The following PRKG1 variants were observed in gnomAD, a reference collection of about 807,000 sequenced individuals.
PRKG1 encodes cGMP-dependent protein kinase 1.
In PRKG1, 35 loss-of-function variants were observed where a neutral mutation model predicts 88.1. The observed-to-expected ratio is 0.40, with a 90% CI of 0.30 to 0.53. The LOEUF (loss-of-function observed/expected upper bound fraction) is 0.53. Among genes scored for constraint, PRKG1 ranks in the 20% least tolerant of loss-of-function variants. The probability of loss-of-function intolerance (pLI) is 0.59; values close to 1 mark genes in which losing one functional copy is unlikely to be tolerated. For missense variants in PRKG1, 540 were observed against 839.8 expected (o/e 0.64, Z 4.41); for synonymous variants, 303 against 292.5 (o/e 1.04, Z -0.37).
chr10:51,045,944 T>G (rs936784661), intron 1 of PRKG1, among the ~76,000 whole-genome samples: 1 of 152,234 alleles, frequency 6.6e-6, no homozygotes, highest in Non-Finnish European at 1.5e-5. Context: ...ATCACTAATG[T>G]TGAAATGTTG....
At chr10:52,063,574 G>A (rs967522870) in intron 7 of PRKG1, among the ~76,000 whole-genome samples, 2 of 152,194 alleles carry the variant, frequency 1.3e-5, no homozygotes, top group Admixed American at 6.5e-5. Context: ...AGTGGTTCCC[G>A]ATTTCTTGAC....
At chr10:51,686,665 G>T (rs965750862) in intron 3 of PRKG1, among the ~76,000 whole-genome samples, 3 of 152,152 alleles carry the variant, frequency 2.0e-5, no homozygotes, top group Non-Finnish European at 2.9e-5. Context: ...GCCCCAATTA[G>T]GACTGGAATG....
At chr10:50,999,476 C>G (rs953974708) in intron 1 of PRKG1, among the ~76,000 whole-genome samples, 1 of 152,174 alleles carries the variant, frequency 6.6e-6, no homozygotes, top group Non-Finnish European at 1.5e-5. Flanking sequence ...ATTCCTAATT[C>G]AGACTCTCCT....
intron 5 of PRKG1, among the ~76,000 whole-genome samples, chr10:52,043,525 A>C (rs749886865): frequency 2.0e-5 from 3 of 152,088 alleles, no homozygotes; most frequent in African/African-American, 4.8e-5. Context: ...TCATAAAAAC[A>C]GAGAGTAGAA....
At chr10:51,661,268 A>G (rs1840292577) in intron 3 of PRKG1, among the ~76,000 whole-genome samples, 1 of 152,164 alleles carries the variant, frequency 6.6e-6, no homozygotes, top group Admixed American at 6.6e-5. Context: ...CAGTTGATCC[A>G]AAAACCATTG....
At chr10:51,238,930 AT>A (rs1354959324) in intron 2 of PRKG1, among the ~76,000 whole-genome samples, 1 of 151,206 alleles carries the variant, frequency 6.6e-6, no homozygotes, top group Non-Finnish European at 1.5e-5. Context: ...TTTTTTTTTA[AT>A]TTTGGTATGT....
intron 1 of PRKG1, among the ~76,000 whole-genome samples, chr10:51,081,069 G>A (rs897119556): frequency 1.3e-5 from 2 of 152,132 alleles, no homozygotes; most frequent in Non-Finnish European, 2.9e-5. Context: ...AATTTTATAA[G>A]CATACTACTC....
chr10:51,963,815 C>CT (rs1843504746), intron 5 of PRKG1, among the ~76,000 whole-genome samples: 1 of 152,156 alleles, frequency 6.6e-6, no homozygotes, highest in Admixed American at 6.5e-5. Context: ...ACTGTCCCTT[C>CT]TGGCAAAAGA....
At chr10:51,177,558 A>T (rs1340856418) in intron 2 of PRKG1, among the ~76,000 whole-genome samples, 1 of 152,188 alleles carries the variant, frequency 6.6e-6, no homozygotes, top group Non-Finnish European at 1.5e-5. Context: ...AAAACTTGAC[A>T]TTAATAACCA....
intron 8 of PRKG1, among the ~76,000 whole-genome samples, chr10:52,147,025 G>A (rs116861623): frequency 0.011 from 1,630 of 152,182 alleles, 25 homozygotes; most frequent in East Asian, 0.052. Flanking sequence ...GTTGAGACAT[G>A]GAACTTAATT....
intron 2 of PRKG1, among the ~76,000 whole-genome samples, chr10:51,183,220 G>A (rs775715882): frequency 1.3e-5 from 2 of 152,126 alleles, no homozygotes; most frequent in African/African-American, 4.8e-5. Flanking sequence ...ACCCAACCCT[G>A]CAGGCTCTAG....
intron 5 of PRKG1, among the ~76,000 whole-genome samples, chr10:51,919,202 A>G (rs920548941): frequency 1.3e-5 from 2 of 152,168 alleles, no homozygotes; most frequent in African/African-American, 4.8e-5. Flanking sequence ...GCCAGGGGGT[A>G]TAAGTCTGTT....
rs768831883 is a variant in PRKG1 at position 52,140,751 on chromosome 10, C to A, written c.1001+6846C>A. ...AGAGGGGAGATTTGGGGACAGCAAACCCTTGCAGGCACCACTCTAAGATCA... is the reference window on the plus strand; with the variant it reads ...AGAGGGGAGATTTGGGGACAGCAAAACCTTGCAGGCACCACTCTAAGATCA... On this transcript the variant is annotated intron_variant, in intron 8 of 17. Coordinates refer to ENST00000373980, the MANE Select transcript of PRKG1 (RefSeq NM_006258.4). Among the ~76,000 whole-genome samples, 99 of 152,150 alleles carry A rather than the reference C, an allele frequency of 6.5e-4. 1 individual carries two copies. Among genetic ancestry groups the A allele is most frequent in the Admixed American group, 2.0e-3 (30 of 15,268 alleles).
At chr10:52,221,310 AGATAATTTGTTAT>A (rs549846341) in intron 9 of PRKG1, among the ~76,000 whole-genome samples, 200 of 152,266 alleles carry the variant, frequency 1.3e-3, no homozygotes, top group Non-Finnish European at 2.3e-3. Context: ...ATATATCTTG[AGATAATTTGTTAT>A]GCAGCCTTAG....
intron 14 of PRKG1, among the ~76,000 whole-genome samples, 180 bp from the exon 15 acceptor site, chr10:52,288,546 A>G (rs1842171599): frequency 6.6e-6 from 1 of 152,144 alleles, no homozygotes; most frequent in East Asian, 1.9e-4. Flanking sequence ...GGTTTCACTA[A>G]GTGATTTACT....
chr10:51,620,805 C>G (rs1462077989), intron 3 of PRKG1, among the ~76,000 whole-genome samples: 2 of 151,666 alleles, frequency 1.3e-5, no homozygotes, highest in Non-Finnish European at 2.9e-5. Flanking sequence ...TATGTAACTT[C>G]TTAGGGCCAC....
intron 5 of PRKG1, among the ~76,000 whole-genome samples, chr10:52,032,926 C>T (rs182285968): frequency 6.6e-6 from 1 of 152,122 alleles, no homozygotes; most frequent in South Asian, 2.1e-4. Context: ...AGTCTAGGTG[C>T]AGGAGTTGAA....
chr10:51,542,918 C>A (rs1244169598), intron 3 of PRKG1, among the ~76,000 whole-genome samples: 1 of 152,136 alleles, frequency 6.6e-6, no homozygotes, highest in Non-Finnish European at 1.5e-5. Context: ...CGTTTTGATT[C>A]TTCCTTTGGT....
chr10:51,279,846 T>C (rs1430813302), intron 2 of PRKG1, among the ~76,000 whole-genome samples: 2 of 152,232 alleles, frequency 1.3e-5, no homozygotes, highest in Non-Finnish European at 2.9e-5. Flanking sequence ...GTCTGTGTCT[T>C]TTAATTGGAG....
Sources: gnomAD v4.1 joint callset for allele counts (sites outside exome capture counted in the v4.1 genomes callset) on GRCh38, gnomAD v4.1.1 for gene constraint, MANE v1.5 for transcripts, NCBI Gene and HGNC (gene_info 2026-07-23, HGNC 2026-07-21) for gene names.